Variants in MYRF observed in about 807,000 individuals in gnomAD.
The protein encoded by MYRF is myelin gene regulatory factor.
MYRF carries 16 observed loss-of-function variants against 126.3 expected under a neutral mutation model. That is an observed-to-expected ratio of 0.13 (90% CI 0.09 to 0.19). The LOEUF is 0.19. Among genes scored for constraint, MYRF ranks in the 10% least tolerant of loss-of-function variants. The probability of loss-of-function intolerance (pLI) is 1.00; values close to 1 mark genes in which losing one functional copy is unlikely to be tolerated. For synonymous variants in MYRF, 608 were observed against 635.3 expected (o/e 0.96, Z 0.65); for missense variants, 1,104 against 1,547.0 (o/e 0.71, Z 4.80).
At chr11:61,782,134 C>A (rs1033424993) in intron 22 of MYRF, 8 of 320,806 alleles carry the variant, frequency 2.5e-5, no homozygotes, top group African/African-American at 4.3e-5. Context: ...GTATTTGATC[C>A]CGAGCCTGGC....
chr11:61,755,630 C>G (rs2065729396), intron 1 of MYRF: 1 of 753,848 alleles, frequency 1.3e-6, no homozygotes, highest in Non-Finnish European at 2.4e-6. Flanking sequence ...GTCCTTTTTC[C>G]TCACCTGCAA....
intron 1 of MYRF, among the ~76,000 whole-genome samples, chr11:61,762,159 G>A (rs1214755736): frequency 1.3e-5 from 2 of 152,214 alleles, no homozygotes; most frequent in Admixed American, 1.3e-4. Flanking sequence ...GCCTTGATGT[G>A]GGATGGAGGA....
Position 61,765,715 on chromosome 11 carries a change from G to A in MYRF, c.134+3G>A. The A allele has an allele frequency of 1.2e-6, 2 of 1,611,096 alleles. No homozygotes were observed. The highest frequency in any genetic ancestry group is 1.1e-5 in the South Asian group (1 of 90,788). ...AGCAAGGAGGATGCCTCCGACCTGT[G>A]AGTGGCCCCCTCGCCCGGCCTGCAC... On this transcript the variant is annotated splice_donor_region_variant and intron_variant, in intron 2 of 26. Coordinates refer to ENST00000278836, the MANE Select transcript of MYRF (RefSeq NM_001127392.3).
intron 3 of MYRF, chr11:61,767,650 C>T (rs761475580): frequency 5.8e-6 from 2 of 341,904 alleles, no homozygotes; most frequent in African/African-American, 2.2e-5. Flanking sequence ...ATGATGAAAC[C>T]CCATCTCTAC....
At chr11:61,774,422 G>A (rs2066315337) in intron 8 of MYRF, among the ~76,000 whole-genome samples, 1 of 151,884 alleles carries the variant, frequency 6.6e-6, no homozygotes, top group African/African-American at 2.4e-5. Flanking sequence ...GGGAAGCTGA[G>A]GCAGGCAGGA....
In MYRF at chr11:61,766,145, G is replaced by C. The variant is rs2066055111; in HGVS notation, c.322G>C (p.Gly108Arg). The C allele has an allele frequency of 1.9e-6, 3 of 1,611,506 alleles. No individual in the cohort carries two copies. Among genetic ancestry groups the C allele is most frequent in the Non-Finnish European group, 8.5e-7 (1 of 1,179,620 alleles). Residue 108 changes from glycine to arginine, a missense_variant, in exon 3 of 27, where the codon GGC (glycine) becomes CGC (arginine). Physicochemically the swap from Gly to Arg is moderately radical, Grantham distance 125. Transcript: ENST00000278836. ...GAACTGCAACAACAACAACGGCATG[G>C]GCGCTGCCCCCAAGCCCTTCCCGGG... ...PLNCNNNNGMGAAPKPFPGGT... is the reference protein window; with the variant it reads ...PLNCNNNNGMRAAPKPFPGGT...
At chr11:61,762,369 C>T (rs531884294) in intron 1 of MYRF, among the ~76,000 whole-genome samples, 2 of 152,326 alleles carry the variant, frequency 1.3e-5, no homozygotes, top group Admixed American at 6.5e-5. Flanking sequence ...GCTCATGGTG[C>T]TGTTTTCGGG....
chr11:61,759,337 A>C (rs532277956), intron 1 of MYRF, among the ~76,000 whole-genome samples: 1 of 152,336 alleles, frequency 6.6e-6, no homozygotes, highest in East Asian at 1.9e-4. Flanking sequence ...GGATGTAGCC[A>C]TAGCCCAAGG....
In MYRF at chr11:61,786,166, A is replaced by G; in HGVS notation, c.*23A>G. 6.2e-7 allele frequency: 1 copy of G among 1,609,326 alleles called. No individual in the cohort carries two copies. The highest frequency in any genetic ancestry group is 8.5e-7 in the Non-Finnish European group (1 of 1,175,686). On this transcript the variant is annotated 3_prime_UTR_variant, in exon 27 of 27. Transcript: ENST00000278836. The surrounding 1 kb of genome is among the most constrained non-coding windows in gnomAD (Gnocchi z 4.5). ...TGAGCTGCCCTCCTGAGGCAGCACC[A>G]CACCAGGGACCAGGGGTGCCCAGGC... is the stretch of plus-strand genomic sequence containing the variant.
In MYRF at chr11:61,777,604, C is replaced by T. The variant is rs542263966; in HGVS notation, c.1792-130C>T. 2.3e-6 allele frequency: 3 copies of T among 1,324,588 alleles called. No homozygotes were observed. The highest frequency in any genetic ancestry group is 1.4e-5 in the South Asian group (1 of 72,388). 82.1% of individuals were successfully genotyped at this position (1,324,588 alleles called of 1,614,324 possible). ...AGGGAGGGAGGCTGGCCTCGAATCC[C>T]GATCTAACCACTCCAGTGGTGGGGT... is the stretch of plus-strand genomic sequence containing the variant. On this transcript the variant is annotated intron_variant, in intron 12 of 26. Coordinates refer to ENST00000278836, the MANE Select transcript of MYRF (RefSeq NM_001127392.3). The surrounding 1 kb of genome is among the most constrained non-coding windows in gnomAD (Gnocchi z 8.8).
chr11:61,770,353 C>A lies in MYRF; in HGVS notation c.568C>A (p.Pro190Thr). 6.8e-7 allele frequency: 1 copy of A among 1,466,892 alleles called. No individual in the cohort carries two copies. Among genetic ancestry groups the A allele is most frequent in the East Asian group, 2.5e-5 (1 of 40,434 alleles). The allele number at this position is 1,466,892 out of a possible 1,614,324, so 90.9% of individuals were successfully genotyped here. Residue 190 changes from proline (P) to threonine (T), a missense_variant, in exon 5 of 27, where the codon CCA becomes ACA. Transcript: ENST00000278836. ...TCCAGCCCACTTGCCAGGCCCCCCG[C>A]CACCCCCACCACCCCCACCTCACTA... is the stretch of plus-strand genomic sequence containing the variant. The part of the protein sequence containing the change: ...PPPAHLPGPP[P>T]PPPPPPHYPV...
chr11:61,765,854 C>A (rs2066042106), intron 2 of MYRF, 104 bp from the exon 3 acceptor site: 1 of 1,443,782 alleles, frequency 6.9e-7, no homozygotes, highest in African/African-American at 1.4e-5. Flanking sequence ...TTCCCAGCCA[C>A]TGACTCCTCC....
chr11:61,778,449 C>A lies in MYRF; in HGVS notation c.1973C>A (p.Ala658Asp). 3 of 1,614,030 alleles carry A rather than the reference C, an allele frequency of 1.9e-6. No homozygotes were observed. The highest frequency in any genetic ancestry group is 2.5e-6 in the Non-Finnish European group (3 of 1,179,940). ...AAAGACACCGGAGACATGGTCTTTG[C>A]CAATGGGAAAACCATAGAGAACTTC... ...AVKDTGDMVF[A>D]NGKTIENFLV... Residue 658 changes from alanine (A) to aspartate (D), a missense_variant, in exon 14 of 27, where the codon GCC (alanine) becomes GAC (aspartate). Transcript: ENST00000278836. The surrounding 1 kb of genome is among the most constrained non-coding windows in gnomAD (Gnocchi z 4.6).
chr11:61,764,251 G>C lies in MYRF; in HGVS notation c.47-1374G>C, dbSNP rs913164512. ...TCTTGAAATGCCGGCTGAGGCCAGG[G>C]AGGGGCCTGGGCGGGGGGCTCCCGG... On this transcript the variant is annotated intron_variant, in intron 1 of 26. Coordinates refer to ENST00000278836, the MANE Select transcript of MYRF (RefSeq NM_001127392.3). Among the ~76,000 whole-genome samples the C allele has an allele frequency of 8.5e-5, 13 of 152,354 alleles. 3 individuals carry two copies. Among genetic ancestry groups the C allele is most frequent in the Admixed American group, 8.5e-4 (13 of 15,314 alleles).
rs2066742261 is a variant in MYRF at position 61,788,372 on chromosome 11, G to C, written c.*2229G>C. The C allele has an allele frequency of 6.6e-6, 1 of 152,298 alleles. No homozygotes were observed. 9.4% of individuals were successfully genotyped at this position (152,298 alleles called of 1,614,324 possible). ...CTCCCAGTTCTTCTCCCTGAGCTTG[G>C]TATTTGTCATGTGCCAACTCTGACT... On this transcript the variant is annotated 3_prime_UTR_variant, in exon 27 of 27. Transcript: ENST00000278836.
chr11:61,767,681 G>A (rs2066103071), intron 3 of MYRF, among the ~76,000 whole-genome samples: 2 of 152,166 alleles, frequency 1.3e-5, no homozygotes, highest in South Asian at 4.2e-4. Flanking sequence ...AAAATTAGCT[G>A]GGTGTGGTGG....
intron 1 of MYRF, among the ~76,000 whole-genome samples, chr11:61,754,754 G>T (rs1331693263): frequency 6.6e-6 from 1 of 152,210 alleles, no homozygotes; most frequent in Non-Finnish European, 1.5e-5. Context: ...TGTCTGTGGG[G>T]AGCAGGGGAG....
rs1232265193 is a variant in MYRF, at chr11:61,771,638, A to AC, written c.879_880insC (p.Ser294LeufsTer44). The AC allele has an allele frequency of 2.5e-6, 4 of 1,613,910 alleles. No individual in the cohort carries two copies. Among genetic ancestry groups the AC allele is most frequent in the Non-Finnish European group, 3.4e-6 (4 of 1,179,982 alleles). ...TGCCTCTGCACCCCACTCGAGCCCC[A>AC]TCGCCACCCTGGCCTCCCCAGGGTC... On this transcript the variant is annotated frameshift_variant, in exon 6 of 27. Coordinates refer to ENST00000278836, the MANE Select transcript of MYRF (RefSeq NM_001127392.3). LOFTEE classifies it high-confidence loss of function.
In MYRF at chr11:61,776,151, T is replaced by TG; in HGVS notation, c.1388+24dup. On this transcript the variant is annotated intron_variant, in intron 9 of 26. Transcript: ENST00000278836. This position sits in a 1 kb window ranked among gnomAD's most constrained non-coding sequence, Gnocchi z 4.3. ...CGGTCACGTGAGTGTCTGACCCTGT[T>TG]GGGGGTGGTACCTAGAAGGGTCCAC... 1 of 1,613,682 alleles carries TG rather than the reference T, an allele frequency of 6.2e-7. No individual in the cohort carries two copies. Among genetic ancestry groups the TG allele is most frequent in the Non-Finnish European group, 8.5e-7 (1 of 1,179,702 alleles).
Sources: gnomAD v4.1 joint callset for allele counts (sites outside exome capture counted in the v4.1 genomes callset) on GRCh38, gnomAD v4.1.1 for gene constraint, Gnocchi (gnomAD v3.1) non-coding constraint, MANE v1.5 for transcripts, NCBI Gene and HGNC (gene_info 2026-07-23, HGNC 2026-07-21) for gene names.